Variants in INTU observed in about 807,000 individuals in gnomAD.
The protein encoded by INTU is protein inturned.
Under a neutral mutation model 100.5 loss-of-function variants are expected in INTU, and 68 were observed. The ratio of observed to expected loss-of-function variants is 0.68; its 90% CI spans 0.56 to 0.83. The LOEUF is 0.83. Ranked by LOEUF, INTU falls within the 40% of genes least tolerant of loss-of-function variation. The pLI is 0.00. For synonymous variants in INTU, 357 were observed against 395.7 expected, an observed-to-expected ratio of 0.90 and a Z score of 1.16; for missense variants, 1,071 against 1,114.7, an observed-to-expected ratio of 0.96 and a Z score of 0.56.
chr4:127,654,526 T>C (rs1359403940), intron 2 of INTU, among the ~76,000 whole-genome samples: 1 of 152,196 alleles, frequency 6.6e-6, no homozygotes, highest in East Asian at 1.9e-4. Context: ...AAAATTCTTT[T>C]CTTTAAGAAT....
chr4:127,674,148 A>G lies in INTU; in HGVS notation c.1116A>G (p.Lys372=). 1 of 1,612,154 alleles carries G rather than the reference A, an allele frequency of 6.2e-7. No homozygotes were observed. The highest frequency in any genetic ancestry group is 8.5e-7 in the Non-Finnish European group (1 of 1,179,112). ...VTSSSLLLNG[K]QIHVAYWKES... Reference sequence around the variant, plus strand: ...GTTCATCCCTCCTTTTAAATGGAAAACAAATTCATGTGGCTTATTGGAAAG... The same window carrying G: ...GTTCATCCCTCCTTTTAAATGGAAAGCAAATTCATGTGGCTTATTGGAAAG... The change falls in exon 6 of 16, where the codon AAA becomes AAG. Residue 372 remains lysine (K), a synonymous_variant. Coordinates refer to ENST00000335251, the MANE Select transcript of INTU (RefSeq NM_015693.4).
chr4:127,642,026 A>ATT (rs1056770887), intron 1 of INTU, among the ~76,000 whole-genome samples: 1 of 151,762 alleles, frequency 6.6e-6, no homozygotes. Flanking sequence ...ATATATATAT[A>ATT]TTTTTTAAAT....
intron 14 of INTU, 43 bp from the exon 15 acceptor site, chr4:127,713,893 C>T (rs1018610256): frequency 7.3e-7 from 1 of 1,366,882 alleles, no homozygotes; most frequent in Non-Finnish European, 1.0e-6. Flanking sequence ...TAAAGTAACA[C>T]TGGTAATACC....
chr4:127,710,750 G>T (rs997597572), intron 13 of INTU, among the ~76,000 whole-genome samples, 163 bp from the exon 14 acceptor site: 1 of 152,156 alleles, frequency 6.6e-6, no homozygotes, highest in Non-Finnish European at 1.5e-5. Context: ...TACGGATGAA[G>T]AGGGAATTAA....
chr4:127,643,440 C>T, intron 1 of INTU, 81 bp from the exon 2 acceptor site: 1 of 1,149,038 alleles, frequency 8.7e-7, no homozygotes, highest in Non-Finnish European at 1.2e-6. Flanking sequence ...CCAGCCCCAA[C>T]CCTCACCCCC....
At chr4:127,703,956 G>T (rs908324956) in intron 9 of INTU, among the ~76,000 whole-genome samples, 4 of 152,094 alleles carry the variant, frequency 2.6e-5, no homozygotes, top group Non-Finnish European at 5.9e-5. Context: ...AAGATGTGTT[G>T]TAAGAAATCC....
rs76349709 is a variant in INTU, at chr4:127,697,010, G to A, written c.1450-3000G>A. 5.2e-3 allele frequency among the ~76,000 whole-genome samples: 793 copies of A among 152,098 alleles called. 9 individuals carry two copies. Among genetic ancestry groups the A allele is most frequent in the African/African-American group, 0.018 (754 of 41,490 alleles). ...ATCCGTTTAAATTGCCAATTACTTC[G>A]TTTAAGGCAGTATAGCACAGCAGTT... On this transcript the variant is annotated intron_variant, in intron 8 of 15. Coordinates refer to ENST00000335251, the MANE Select transcript of INTU (RefSeq NM_015693.4).
At chr4:127,683,676 T>C (rs760823805) in intron 6 of INTU, 3 of 152,184 alleles carry the variant, frequency 2.0e-5, no homozygotes, top group Non-Finnish European at 2.9e-5. Flanking sequence ...AAGATCACAT[T>C]CCCGTGATGG....
At chr4:127,708,393 C>T (rs1730971456) in intron 12 of INTU, among the ~76,000 whole-genome samples, 178 bp from the exon 13 acceptor site, 1 of 152,056 alleles carries the variant, frequency 6.6e-6, no homozygotes, top group African/African-American at 2.4e-5. Flanking sequence ...AGGACATGAC[C>T]CTGGGATCCC....
chr4:127,688,724 A>G (rs1463813478), intron 8 of INTU, among the ~76,000 whole-genome samples: 1 of 152,164 alleles, frequency 6.6e-6, no homozygotes, highest in Non-Finnish European at 1.5e-5. Context: ...TCCCTACTTC[A>G]TGGAAGATTT....
At chr4:127,644,990 T>TTAA (rs1727509242) in intron 2 of INTU, among the ~76,000 whole-genome samples, 1 of 152,222 alleles carries the variant, frequency 6.6e-6, no homozygotes, top group Non-Finnish European at 1.5e-5. Flanking sequence ...AAAGGAGCTA[T>TTAA]GTTTTAGTGG....
intron 1 of INTU, among the ~76,000 whole-genome samples, chr4:127,634,391 C>T (rs1726976881): frequency 6.6e-6 from 1 of 152,092 alleles, no homozygotes; most frequent in Non-Finnish European, 1.5e-5. Flanking sequence ...ATACTTTTAG[C>T]CCAGAAAGAA....
At position 127,652,364 on chromosome 4, in the gene INTU, A is replaced by C. The variant is rs542468218; in HGVS notation, c.683-4272A>C. ...TGATATTGGCTGTGGGTTTTGTCAT[A>C]GATAGCTCTTATTATTTTGAAATAC... is the stretch of plus-strand genomic sequence containing the variant. On this transcript the variant is annotated intron_variant, in intron 2 of 15. Coordinates refer to ENST00000335251, the MANE Select transcript of INTU (RefSeq NM_015693.4). Among the ~76,000 whole-genome samples the C allele has an allele frequency of 3.4e-4, 51 of 150,956 alleles. No individual in the cohort carries two copies. The East Asian group carries it at 9.1e-3, about 27-fold the overall frequency.
intron 8 of INTU, among the ~76,000 whole-genome samples, chr4:127,690,243 A>G (rs546311531): frequency 2.0e-5 from 3 of 152,204 alleles, no homozygotes; most frequent in Non-Finnish European, 4.4e-5. Flanking sequence ...TAAAAGATTT[A>G]TATGCTTTTC....
At chr4:127,646,225 A>G (rs1012213258) in intron 2 of INTU, among the ~76,000 whole-genome samples, 1 of 152,108 alleles carries the variant, frequency 6.6e-6, no homozygotes, top group African/African-American at 2.4e-5. Flanking sequence ...TTATTATGCA[A>G]CAATAGATGA....
In INTU at chr4:127,700,031, A is replaced by G. The variant is rs929067552; in HGVS notation, c.1471A>G (p.Ser491Gly). 1.2e-6 allele frequency: 2 copies of G among 1,604,798 alleles called. No homozygotes were observed. The highest frequency in any genetic ancestry group is 1.3e-5 in the African/African-American group (1 of 74,364). Residue 491 changes from serine (S) to glycine (G), a missense_variant, in exon 9 of 16, where the codon AGT becomes GGT. Coordinates refer to ENST00000335251, the MANE Select transcript of INTU (RefSeq NM_015693.4). ...ATAGATGGAATTAGACATGGCATTA[A>G]GTGACTTGGAGGCTGCAGATTTTGC... is the stretch of plus-strand genomic sequence containing the variant. ...EIKMELDMALSDLEAADFAEL... is the reference protein window; with the variant it reads ...EIKMELDMALGDLEAADFAEL...
intron 5 of INTU, among the ~76,000 whole-genome samples, chr4:127,672,586 C>T (rs1299812133): frequency 1.3e-5 from 2 of 149,802 alleles, no homozygotes; most frequent in Non-Finnish European, 3.0e-5. Context: ...GCAGTAAATA[C>T]AGCTAGAAAA....
Position 127,695,824 on chromosome 4 carries a change from A to G in INTU, c.1450-4186A>G, listed in dbSNP as rs376033628. 2.0e-5 allele frequency among the ~76,000 whole-genome samples: 3 copies of G among 152,270 alleles called. No individual in the cohort carries two copies. The South Asian group carries it at 6.2e-4, about 32-fold the overall frequency. ...CACCATTAAGTATGAAGTTAGCTGT[A>G]GGTTTTTTGTAGATATTCTTTATCA... is the stretch of plus-strand genomic sequence containing the variant. On this transcript the variant is annotated intron_variant, in intron 8 of 15. Coordinates refer to ENST00000335251, the MANE Select transcript of INTU (RefSeq NM_015693.4).
intron 8 of INTU, among the ~76,000 whole-genome samples, chr4:127,692,521 T>G (rs1372360128): frequency 1.3e-5 from 2 of 152,206 alleles, no homozygotes; most frequent in Non-Finnish European, 2.9e-5. Flanking sequence ...TTGTGAAGAT[T>G]TTCTCCCACT....
Sources: gnomAD v4.1 joint callset for allele counts (sites outside exome capture counted in the v4.1 genomes callset) on GRCh38, gnomAD v4.1.1 for gene constraint, MANE v1.5 for transcripts, NCBI Gene and HGNC (gene_info 2026-07-23, HGNC 2026-07-21) for gene names.